Variants in SORL1 observed in about 807,000 individuals in gnomAD.
The protein encoded by SORL1 is sortilin related receptor 1.
Under a neutral mutation model 273.7 loss-of-function variants are expected in SORL1, and 127 were observed. That is an observed-to-expected ratio of 0.46 (90% CI 0.40 to 0.54). SORL1 has a LOEUF of 0.54. Ranked by LOEUF, SORL1 falls within the 20% of genes least tolerant of loss-of-function variation. The pLI is 0.00. For missense variants in SORL1, 2,494 were observed against 2,846.1 expected (o/e 0.88, Z 2.81); for synonymous variants, 1,031 against 1,067.4 (o/e 0.97, Z 0.66).
intron 11 of SORL1, among the ~76,000 whole-genome samples, chr11:121,531,843 T>C (rs1862206444): frequency 6.6e-6 from 1 of 152,234 alleles, no homozygotes; most frequent in African/African-American, 2.4e-5. Context: ...GGGGCTCCTT[T>C]CTCTGGTTCC....
Position 121,604,331 on chromosome 11 carries a change from G to A in SORL1, c.4651+7G>A. The stretch of plus-strand genomic sequence containing the variant: ...GATGAAAAGGCCTGCAGTGGTGAGT[G>A]CCGGTCCACGGGCTGGGCTGGGCTG... On this transcript the variant is annotated splice_region_variant and intron_variant, in intron 33 of 47. Coordinates refer to ENST00000260197, the MANE Select transcript of SORL1 (RefSeq NM_003105.6). 2 of 1,612,936 alleles carry A rather than the reference G, an allele frequency of 1.2e-6. No homozygotes were observed. Among genetic ancestry groups the A allele is most frequent in the Non-Finnish European group, 1.7e-6 (2 of 1,179,790 alleles).
chr11:121,616,754 ACT>A (rs1863648376), intron 41 of SORL1, among the ~76,000 whole-genome samples: 1 of 152,104 alleles, frequency 6.6e-6, no homozygotes, highest in Non-Finnish European at 1.5e-5. Flanking sequence ...AAAGAGTCAA[ACT>A]CTGTAAAATA....
intron 12 of SORL1, among the ~76,000 whole-genome samples, chr11:121,536,277 C>T (rs1201640913): frequency 6.6e-6 from 1 of 152,118 alleles, no homozygotes; most frequent in Non-Finnish European, 1.5e-5. Context: ...CCCCACAGTT[C>T]CAGAATGTGG....
intron 32 of SORL1, among the ~76,000 whole-genome samples, chr11:121,598,397 T>C (rs1246492292): frequency 6.6e-6 from 1 of 152,196 alleles, no homozygotes; most frequent in Non-Finnish European, 1.5e-5. Context: ...AAGCTGATGC[T>C]ACCAGCTATG....
chr11:121,523,506 A>C (rs1281586056), intron 11 of SORL1, among the ~76,000 whole-genome samples: 2 of 152,144 alleles, frequency 1.3e-5, no homozygotes, highest in Non-Finnish European at 2.9e-5. Flanking sequence ...AAGGTTGTAT[A>C]ACTAATATCG....
intron 12 of SORL1, among the ~76,000 whole-genome samples, chr11:121,536,735 C>T (rs568139439): frequency 9.9e-5 from 15 of 151,996 alleles, no homozygotes; most frequent in African/African-American, 2.4e-4. Flanking sequence ...GTTAAGAAAC[C>T]GAGAAACGGA....
intron 41 of SORL1, among the ~76,000 whole-genome samples, chr11:121,618,332 A>G (rs1412697552): frequency 6.6e-6 from 1 of 152,064 alleles, no homozygotes; most frequent in Non-Finnish European, 1.5e-5. Context: ...GTTCGCATCC[A>G]CTGTGCAAGC....
intron 12 of SORL1, among the ~76,000 whole-genome samples, chr11:121,541,070 A>G (rs188222170): frequency 1.8e-4 from 27 of 152,356 alleles, no homozygotes; most frequent in Non-Finnish European, 2.4e-4. Flanking sequence ...AACCAAAAGC[A>G]TATCTGCCAG....
In SORL1 at chr11:121,452,833, C is replaced by A; in HGVS notation, c.285+217C>A. 1 of 481,766 alleles carries A rather than the reference C, an allele frequency of 2.1e-6. No homozygotes were observed. The highest frequency in any genetic ancestry group is 3.6e-6 in the Non-Finnish European group (1 of 278,834). The allele number at this position is 481,766 out of a possible 1,614,324, so 29.8% of individuals were successfully genotyped here. A position where few individuals can be genotyped will look rare whatever the true frequency, so the allele number is the denominator to read the frequency against. On this transcript the variant is annotated intron_variant, in intron 1 of 47. Coordinates refer to ENST00000260197, the MANE Select transcript of SORL1 (RefSeq NM_003105.6). The surrounding 1 kb of genome is among the most constrained non-coding windows in gnomAD (Gnocchi z 5.3). ...GATTTAGTAAACGTATTCCAGGTAA[C>A]TCGCCGGGTGCAGTGCGTATTACCC... is the stretch of plus-strand genomic sequence containing the variant.
chr11:121,543,981 C>T (rs1229529264), intron 13 of SORL1, among the ~76,000 whole-genome samples: 1 of 152,178 alleles, frequency 6.6e-6, no homozygotes, highest in Non-Finnish European at 1.5e-5. Context: ...AAATATATGT[C>T]TGCTGAATAT....
intron 21 of SORL1, among the ~76,000 whole-genome samples, chr11:121,565,251 C>A (rs1862738747): frequency 6.6e-6 from 1 of 152,186 alleles, no homozygotes; most frequent in Admixed American, 6.5e-5. Flanking sequence ...TTTACTGAAT[C>A]TTTTGGAATG....
intron 47 of SORL1, 193 bp from the exon 48 acceptor site, chr11:121,629,303 G>A (rs756831889): frequency 5.7e-5 from 30 of 528,710 alleles, no homozygotes; most frequent in Non-Finnish European, 6.7e-5. Context: ...CCATCGATGG[G>A]TAGAAGGTGG....
Position 121,532,493 on chromosome 11 carries a change from G to C in SORL1, c.1626G>C (p.Trp542Cys). ...TTCCTGGACCTCACTACTACACATGGGGAGACCACGGCGGAATCATCACGG... is the reference window on the plus strand; with the variant it reads ...TTCCTGGACCTCACTACTACACATGCGGAGACCACGGCGGAATCATCACGG... ...EALPGPHYYT[W>C]GDHGGIITAI... Residue 542 changes from tryptophan (W) to cysteine (C), a missense_variant, in exon 12 of 48, where the codon TGG becomes TGC. Around this residue, in one of 3 missense-constraint regions of SORL1, gnomAD observed 710 missense variants for 882.5 expected, o/e 0.80. Coordinates refer to ENST00000260197, the MANE Select transcript of SORL1 (RefSeq NM_003105.6). The C allele has an allele frequency of 6.2e-7, 1 of 1,614,090 alleles. No individual in the cohort carries two copies. The highest frequency in any genetic ancestry group is 8.5e-7 in the Non-Finnish European group (1 of 1,179,982).
intron 4 of SORL1, among the ~76,000 whole-genome samples, chr11:121,488,604 C>T (rs1050316230): frequency 2.0e-5 from 3 of 152,174 alleles, no homozygotes; most frequent in Non-Finnish European, 4.4e-5. Flanking sequence ...TTAAACACTG[C>T]TTTTGCCTCC....
In SORL1 at chr11:121,605,413, A is replaced by G; in HGVS notation, c.4790A>G (p.Glu1597Gly). 1 of 1,610,248 alleles carries G rather than the reference A, an allele frequency of 6.2e-7. No individual in the cohort carries two copies. The highest frequency in any genetic ancestry group is 8.5e-7 in the Non-Finnish European group (1 of 1,177,246). The change falls in exon 35 of 48, where the codon GAG becomes GGG. Residue 1597 changes from glutamate to glycine, a missense_variant. Transcript: ENST00000260197. ...TTTTTTTGGGCCAGGGTGGTTGGAGAGAGCATATGGAAGACTCTGGAGACC... is the reference window on the plus strand; with the variant it reads ...TTTTTTTGGGCCAGGGTGGTTGGAGGGAGCATATGGAAGACTCTGGAGACC... ...VYNVYYRVVG[E>G]SIWKTLETHS...
chr11:121,619,677 G>T, intron 42 of SORL1, 76 bp from the exon 43 acceptor site: 2 of 1,141,700 alleles, frequency 1.8e-6, no homozygotes, highest in Non-Finnish European at 2.5e-6. Flanking sequence ...TCATTATTTT[G>T]TTGAAAAAAT....
At chr11:121,456,859 C>T (rs1229506043) in intron 1 of SORL1, among the ~76,000 whole-genome samples, 1 of 152,168 alleles carries the variant, frequency 6.6e-6, no homozygotes, top group South Asian at 2.1e-4. Context: ...CAAAAGGCCT[C>T]CTTTGGGGGT....
intron 32 of SORL1, among the ~76,000 whole-genome samples, chr11:121,600,356 A>G (rs1277622578): frequency 6.6e-6 from 1 of 152,192 alleles, no homozygotes; most frequent in Non-Finnish European, 1.5e-5. Context: ...ACTAACACAG[A>G]TGAACTGAGT....
intron 12 of SORL1, among the ~76,000 whole-genome samples, chr11:121,541,477 TG>T: frequency 6.6e-6 from 1 of 152,358 alleles, no homozygotes; most frequent in East Asian, 1.9e-4. Flanking sequence ...CCCAAAGTGC[TG>T]GGATTACAGG....
Sources: gnomAD v4.1 joint callset for allele counts (sites outside exome capture counted in the v4.1 genomes callset) on GRCh38, gnomAD v4.1.1 for gene constraint, gnomAD v4.1.1 regional missense constraint, Gnocchi (gnomAD v3.1) non-coding constraint, MANE v1.5 for transcripts, NCBI Gene and HGNC (gene_info 2026-07-23, HGNC 2026-07-21) for gene names.